Variants in FHDC1 observed in about 807,000 individuals in gnomAD.
FHDC1 encodes FH2 domain containing 1.
In FHDC1, 25 loss-of-function variants were observed where a neutral mutation model predicts 52.6. That is an observed-to-expected ratio of 0.48 (90% CI 0.35 to 0.66). The LOEUF is 0.66. FHDC1 is among the 30% of genes least tolerant of loss of function. The probability of loss-of-function intolerance (pLI) is 0.01; values close to 1 mark genes in which losing one functional copy is unlikely to be tolerated. For missense variants in FHDC1, 1,459 were observed against 1,452.8 expected (o/e 1.00, Z -0.07); for synonymous variants, 616 against 581.5 (o/e 1.06, Z -0.85).
At chr4:152,928,302 C>T in the FHDC1 span, 2 of 555,100 alleles carry the variant, frequency 3.6e-6, no homozygotes, top group Non-Finnish European at 6.5e-6. Flanking sequence ...AAAAAAACTC[C>T]TTTGCCTGCA....
At chr4:152,944,382 A>G (rs1739665422) in intron 2 of FHDC1, among the ~76,000 whole-genome samples, 1 of 152,030 alleles carries the variant, frequency 6.6e-6, no homozygotes, top group Non-Finnish European at 1.5e-5. Flanking sequence ...CCCCGCCCAC[A>G]TGCACACACA....
In FHDC1 at chr4:152,977,142, A is replaced by T. The variant is rs1740924028; in HGVS notation, c.*419A>T. 6.5e-6 allele frequency: 1 copy of T among 154,166 alleles called. No individual in the cohort carries two copies. The highest frequency in any genetic ancestry group is 2.4e-5 in the African/African-American group (1 of 41,508). 9.5% of individuals were successfully genotyped at this position (154,166 alleles called of 1,614,324 possible). A position where few individuals can be genotyped will look rare whatever the true frequency, so the allele number is the denominator to read the frequency against. On this transcript the variant is annotated 3_prime_UTR_variant, in exon 12 of 12. Transcript: ENST00000511601. Reference sequence around the variant, plus strand: ...GTGCAGTGGTTCATGCCTGTAATCCAGCACTTTGGGAGGCTAAGATGAGTG... The same window carrying T: ...GTGCAGTGGTTCATGCCTGTAATCCTGCACTTTGGGAGGCTAAGATGAGTG...
Position 152,976,696 on chromosome 4 carries a change from G to A in FHDC1, c.3405G>A (p.Gly1135=), listed in dbSNP as rs1027762974. ...RRKDSSRTTL[G]RILNPLRK is the part of the protein sequence containing the mutation. ...AGGACTCCAGTCGGACCACGCTGGG[G>A]AGAATCCTCAATCCCTTACGGAAGT... The change falls in exon 12 of 12, where the codon GGG becomes GGA. Residue 1135 remains glycine (G), a synonymous_variant. Transcript: ENST00000511601. 108 of 1,508,502 alleles carry A rather than the reference G, an allele frequency of 7.2e-5. No homozygotes were observed. The highest frequency in any genetic ancestry group is 8.8e-5 in the Non-Finnish European group (99 of 1,127,740). 93.4% of individuals were successfully genotyped at this position (1,508,502 alleles called of 1,614,324 possible).
chr4:152,966,604 C>T (rs910790282), intron 9 of FHDC1, among the ~76,000 whole-genome samples: 10 of 152,112 alleles, frequency 6.6e-5, no homozygotes, highest in African/African-American at 2.4e-4. Context: ...GGACTACAGG[C>T]ACCCGCCACC....
chr4:152,962,979 G>GTGTGTGTGTGTGTA (rs1554041292), intron 7 of FHDC1, 44 bp from the exon 8 acceptor site: 1 of 1,445,228 alleles, frequency 6.9e-7, no homozygotes, highest in East Asian at 2.3e-5. Context: ...GTGTGTGTGT[G>GTGTGTGTGTGTGTA]TGTATGTATA....
the FHDC1 span, among the ~76,000 whole-genome samples, chr4:152,928,515 C>G: frequency 6.6e-6 from 1 of 152,178 alleles, no homozygotes; most frequent in African/African-American, 2.4e-5. Flanking sequence ...GAATAGGCAC[C>G]GGTCGACTTG....
chr4:152,932,785 T>G (rs1290976877), upstream of FHDC1, among the ~76,000 whole-genome samples: 1 of 152,258 alleles, frequency 6.6e-6, no homozygotes, highest in Non-Finnish European at 1.5e-5. Flanking sequence ...ATACTAAAAG[T>G]CTGTTTTACA....
chr4:152,968,161 A>G, intron 10 of FHDC1, 64 bp downstream of exon 10: 1 of 1,139,472 alleles, frequency 8.8e-7, no homozygotes, highest in South Asian at 1.4e-5. Flanking sequence ...GGGGCTGGTT[A>G]AATTTGCATG....
At chr4:152,961,303 TG>T (rs1740273867) in intron 6 of FHDC1, among the ~76,000 whole-genome samples, 1 of 152,184 alleles carries the variant, frequency 6.6e-6, no homozygotes, top group South Asian at 2.1e-4. Flanking sequence ...GGGTCAACCG[TG>T]TGACTCTTCT....
the FHDC1 span, among the ~76,000 whole-genome samples, chr4:152,925,362 A>C: frequency 6.6e-6 from 1 of 152,100 alleles, no homozygotes; most frequent in Non-Finnish European, 1.5e-5. Context: ...TCTATTTTAG[A>C]CTTCCAATTT....
At chr4:152,968,835 A>T (rs1447701111) in intron 10 of FHDC1, among the ~76,000 whole-genome samples, 1 of 152,230 alleles carries the variant, frequency 6.6e-6, no homozygotes, top group African/African-American at 2.4e-5. Flanking sequence ...AAGATGCCTT[A>T]GAACTTGGGC....
chr4:152,913,335 G>A, the FHDC1 span, among the ~76,000 whole-genome samples: 3 of 152,164 alleles, frequency 2.0e-5, no homozygotes, highest in Non-Finnish European at 2.9e-5. Flanking sequence ...AAGAAATCAG[G>A]TGAGCTTGAA....
intron 1 of FHDC1, among the ~76,000 whole-genome samples, chr4:152,938,000 G>T (rs1225732405): frequency 6.6e-6 from 1 of 152,126 alleles, no homozygotes; most frequent in Admixed American, 6.5e-5. Context: ...GAAAGAAGTG[G>T]TGTCCCAGGA....
At chr4:152,949,115 T>G (rs376473336) in intron 2 of FHDC1, among the ~76,000 whole-genome samples, 2,356 of 76,502 alleles carry the variant, frequency 0.031, 19 homozygotes, top group South Asian at 0.042. Context: ...ATAATAATAA[T>G]AATAATAATA....
At chr4:152,964,617 A>G (rs1487806815) in intron 8 of FHDC1, among the ~76,000 whole-genome samples, 1 of 152,224 alleles carries the variant, frequency 6.6e-6, no homozygotes, top group Non-Finnish European at 1.5e-5. Flanking sequence ...TAAGCAGGAT[A>G]TATTGGATTC....
At position 152,943,139 on chromosome 4, in the gene FHDC1, C is replaced by T. The variant is rs904564676; in HGVS notation, c.82C>T (p.Gln28Ter). 1 of 1,614,100 alleles carries T rather than the reference C, an allele frequency of 6.2e-7. No individual in the cohort carries two copies. The highest frequency in any genetic ancestry group is 8.5e-7 in the Non-Finnish European group (1 of 1,179,990). Reference protein sequence around the residue: ...IATAPGFMIGQTPPPAPPPPP... With the variant: ...IATAPGFMIG ...CACAGCACCTGGATTCATGATTGGGCAGACACCTCCTCCAGCACCTCCTCC... is the reference window on the plus strand; with the variant it reads ...CACAGCACCTGGATTCATGATTGGGTAGACACCTCCTCCAGCACCTCCTCC... Residue 28 changes from glutamine to a stop codon, truncating the protein, a stop_gained, in exon 2 of 12, where the codon CAG (glutamine) becomes TAG (stop). Transcript: ENST00000511601. LOFTEE classifies it high-confidence loss of function.
chr4:152,919,380 G>A, the FHDC1 span, among the ~76,000 whole-genome samples: 1 of 152,214 alleles, frequency 6.6e-6, no homozygotes, highest in African/African-American at 2.4e-5. Flanking sequence ...GATGGAGGCA[G>A]CCAGCCTTCA....
chr4:152,924,152 A>G, the FHDC1 span, among the ~76,000 whole-genome samples: 1 of 152,070 alleles, frequency 6.6e-6, no homozygotes, highest in South Asian at 2.1e-4. Context: ...AACTCAAACA[A>G]ATTTACAAGA....
chr4:152,976,463 C>T lies in FHDC1; in HGVS notation c.3172C>T (p.Pro1058Ser). The T allele has an allele frequency of 6.2e-7, 1 of 1,613,650 alleles. No individual in the cohort carries two copies. Among genetic ancestry groups the T allele is most frequent in the Non-Finnish European group, 8.5e-7 (1 of 1,180,020 alleles). ...AGATCTTCCTCCCGTGGCCAAAGCC[C>T]CCGGCATCACTCGGACAGTGTCGCA... Reference protein sequence around the residue: ...RTDLPPVAKAPGITRTVSQRQ... With the variant: ...RTDLPPVAKASGITRTVSQRQ... Residue 1058 changes from proline to serine, a missense_variant, in exon 12 of 12, where the codon CCC (proline) becomes TCC (serine). This residue lies in a region of FHDC1 where 939 missense variants were observed against 854.5 expected (regional missense o/e 1.10). Transcript: ENST00000511601.
Sources: allele counts gnomAD v4.1 joint callset (sites outside exome capture counted in the v4.1 genomes callset), GRCh38; gene constraint gnomAD v4.1.1; regional missense constraint gnomAD v4.1.1; transcripts MANE v1.5; gene names NCBI Gene and HGNC (gene_info 2026-07-23, HGNC 2026-07-21).